The following AP3B1 variants were observed in gnomAD, a reference collection of about 807,000 sequenced individuals.
The protein encoded by AP3B1 is adaptor related protein complex 3 subunit beta 1.
Under a neutral mutation model 132.5 loss-of-function variants are expected in AP3B1, and 61 were observed. The observed-to-expected ratio is 0.46, with a 90% CI of 0.37 to 0.57. The LOEUF (loss-of-function observed/expected upper bound fraction) is 0.57. Among genes scored for constraint, AP3B1 ranks in the 20% least tolerant of loss-of-function variants. The probability of loss-of-function intolerance (pLI) is 0.00; values close to 1 mark genes in which losing one functional copy is unlikely to be tolerated. For missense variants in AP3B1, 1,120 were observed against 1,289.4 expected, an observed-to-expected ratio of 0.87 and a Z score of 2.01; for synonymous variants, 388 against 438.3, an observed-to-expected ratio of 0.89 and a Z score of 1.43.
intron 7 of AP3B1, among the ~76,000 whole-genome samples, chr5:78,185,553 A>G (rs1580458412): frequency 6.6e-6 from 1 of 152,224 alleles, no homozygotes; most frequent in Non-Finnish European, 1.5e-5. Context: ...AAAATGTAAT[A>G]CCTACAGCAT....
chr5:78,286,433 C>T (rs1451122004), intron 1 of AP3B1, among the ~76,000 whole-genome samples: 2 of 152,128 alleles, frequency 1.3e-5, no homozygotes, highest in Non-Finnish European at 2.9e-5. Context: ...ATTCTCTTGC[C>T]CTTCCACCTT....
chr5:78,193,293 G>A (rs193020653), intron 7 of AP3B1, among the ~76,000 whole-genome samples: 55 of 152,232 alleles, frequency 3.6e-4, no homozygotes, highest in African/African-American at 1.3e-3. Flanking sequence ...TTATATCTGA[G>A]AGGACTCTGA....
chr5:78,259,803 A>T (rs1205748597), intron 2 of AP3B1, among the ~76,000 whole-genome samples: 1 of 152,050 alleles, frequency 6.6e-6, no homozygotes, highest in Non-Finnish European at 1.5e-5. Flanking sequence ...CCCCAACTCT[A>T]CTAAAAATAC....
intron 7 of AP3B1, among the ~76,000 whole-genome samples, chr5:78,209,502 C>A (rs1745646014): frequency 6.6e-6 from 1 of 152,096 alleles, no homozygotes; most frequent in South Asian, 2.1e-4. Flanking sequence ...GACCTAGAAG[C>A]CCCGTCTTCA....
intron 1 of AP3B1, among the ~76,000 whole-genome samples, chr5:78,270,347 T>A (rs959594943): frequency 1.3e-5 from 2 of 152,166 alleles, no homozygotes; most frequent in Non-Finnish European, 2.9e-5. Context: ...TTACCTTCTT[T>A]TTCCTCAAAA....
chr5:78,212,005 C>T (rs574578396), intron 7 of AP3B1, among the ~76,000 whole-genome samples: 14 of 152,368 alleles, frequency 9.2e-5, no homozygotes, highest in Admixed American at 5.9e-4. Flanking sequence ...ACAGGCCAGG[C>T]ATGGTGGCTC....
intron 2 of AP3B1, among the ~76,000 whole-genome samples, chr5:78,244,744 C>T: frequency 6.6e-6 from 1 of 152,140 alleles, no homozygotes; most frequent in East Asian, 1.9e-4. Context: ...CGCCTGTCAT[C>T]CCAGCACTTT....
At chr5:78,039,809 AAAAAG>A in intron 22 of AP3B1, among the ~76,000 whole-genome samples, 1 of 151,314 alleles carries the variant, frequency 6.6e-6, no homozygotes, top group East Asian at 1.9e-4. Flanking sequence ...AAAAGAAAAA[AAAAAG>A]AAATTTTTCT....
chr5:78,036,725 C>T (rs954992894), intron 23 of AP3B1, among the ~76,000 whole-genome samples: 2 of 151,972 alleles, frequency 1.3e-5, no homozygotes, highest in Non-Finnish European at 2.9e-5. Context: ...ACAGACAAAA[C>T]CAGATTGGTG....
At chr5:78,095,543 A>G (rs1304510783) in intron 21 of AP3B1, among the ~76,000 whole-genome samples, 1 of 152,098 alleles carries the variant, frequency 6.6e-6, no homozygotes, top group Non-Finnish European at 1.5e-5. Flanking sequence ...GTTCCTTCAC[A>G]AGGTTTTTGT....
intron 22 of AP3B1, among the ~76,000 whole-genome samples, chr5:78,047,403 G>A (rs1242868361): frequency 6.6e-6 from 1 of 152,144 alleles, no homozygotes; most frequent in Non-Finnish European, 1.5e-5. Flanking sequence ...TCTAACTGGT[G>A]TGAGATGGTA....
At chr5:78,186,459 C>A (rs189512246) in intron 7 of AP3B1, among the ~76,000 whole-genome samples, 1 of 152,218 alleles carries the variant, frequency 6.6e-6, no homozygotes, top group African/African-American at 2.4e-5. Context: ...GGAATAAAGT[C>A]GGTTTGGCTA....
rs34983157 is a variant in AP3B1, at chr5:78,248,492, CAAAAAAAAAAAAAAAA to C, written c.205-7572_205-7557del. Among the ~76,000 whole-genome samples the C allele has an allele frequency of 9.8e-5, 7 of 71,356 alleles. No individual in the cohort carries two copies. In the East Asian group the frequency reaches 2.5e-3, roughly 25 times the overall value. The allele number at this position is 71,356 out of a possible 152,430, so 46.8% of individuals were successfully genotyped here. ...TGGGCAACAGAGCGAGACTCTGTCT[CAAAAAAAAAAAAAAAA>C]AAAAAAAAGAAAAGAAAAATGCAGA... is the stretch of plus-strand genomic sequence containing the variant. On this transcript the variant is annotated intron_variant, in intron 2 of 26. Coordinates refer to ENST00000255194, the MANE Select transcript of AP3B1 (RefSeq NM_003664.5).
chr5:78,294,060 C>T (rs1426470378), intron 1 of AP3B1, among the ~76,000 whole-genome samples: 1 of 152,136 alleles, frequency 6.6e-6, no homozygotes, highest in Non-Finnish European at 1.5e-5. Flanking sequence ...CACCAAAACA[C>T]TCCTTTCACC....
chr5:78,051,296 C>A (rs991264767), intron 22 of AP3B1, among the ~76,000 whole-genome samples: 3 of 152,064 alleles, frequency 2.0e-5, no homozygotes, highest in African/African-American at 7.2e-5. Flanking sequence ...TAAAAAGTAA[C>A]TGAAGAGTGT....
intron 24 of AP3B1, among the ~76,000 whole-genome samples, chr5:78,024,782 C>T (rs997917824): frequency 2.6e-5 from 4 of 151,622 alleles, no homozygotes; most frequent in Non-Finnish European, 5.9e-5. Flanking sequence ...AGGCTAGTCT[C>T]GAACTCCTGA....
chr5:78,181,444 G>C (rs2112413862), intron 8 of AP3B1, 63 bp downstream of exon 8: 1 of 1,490,840 alleles, frequency 6.7e-7, no homozygotes, highest in Non-Finnish European at 9.3e-7. Flanking sequence ...ACTAAATTGA[G>C]ATATTTTTAA....
intron 7 of AP3B1, among the ~76,000 whole-genome samples, chr5:78,184,168 C>CAA (rs569465616): frequency 1.6e-5 from 2 of 124,606 alleles, no homozygotes; most frequent in Non-Finnish European, 3.4e-5. Flanking sequence ...GACTCCATCT[C>CAA]AAAAAAAAAA....
At chr5:78,202,616 C>T (rs930062176) in intron 7 of AP3B1, among the ~76,000 whole-genome samples, 3 of 143,538 alleles carry the variant, frequency 2.1e-5, no homozygotes, top group African/African-American at 7.7e-5. Context: ...TATGGTAATA[C>T]CTCAAATCCT....
Sources: allele counts gnomAD v4.1 joint callset (sites outside exome capture counted in the v4.1 genomes callset), GRCh38; gene constraint gnomAD v4.1.1; transcripts MANE v1.5; gene names NCBI Gene and HGNC (gene_info 2026-07-23, HGNC 2026-07-21).